HS6ST3: variants seen among roughly 807,000 people sequenced by gnomAD.
HS6ST3 encodes heparan-sulfate 6-O-sulfotransferase 3.
In HS6ST3, 12 loss-of-function variants were observed where a neutral mutation model predicts 36.7. That is an observed-to-expected ratio of 0.33 (90% CI 0.21 to 0.53). HS6ST3 has a LOEUF of 0.53. HS6ST3 is among the 20% of genes least tolerant of loss of function. The probability of loss-of-function intolerance (pLI) is 0.95; values close to 1 mark genes in which losing one functional copy is unlikely to be tolerated. For synonymous variants in HS6ST3, 240 were observed against 257.5 expected, an observed-to-expected ratio of 0.93 and a Z score of 0.65; for missense variants, 584 against 640.9, an observed-to-expected ratio of 0.91 and a Z score of 0.96.
At chr13:96,659,695 T>C (rs914487011) in intron 1 of HS6ST3, among the ~76,000 whole-genome samples, 2 of 152,134 alleles carry the variant, frequency 1.3e-5, no homozygotes, top group African/African-American at 4.8e-5. Flanking sequence ...GGGGCAATGT[T>C]CATTTTTTTG....
intron 1 of HS6ST3, among the ~76,000 whole-genome samples, chr13:96,662,515 G>GGTGT (rs144795600): frequency 1.4e-4 from 21 of 147,780 alleles, no homozygotes; most frequent in African/African-American, 5.0e-4. Flanking sequence ...GTGTGTATGG[G>GGTGT]GTGTGTGTGT....
rs188227533 is a variant in HS6ST3 at position 96,817,295 on chromosome 13, G to A, written c.708-15195G>A. Among the ~76,000 whole-genome samples the A allele has an allele frequency of 1.1e-3, 167 of 152,294 alleles. 2 individuals are homozygous for A. Among genetic ancestry groups the A allele is most frequent in the East Asian group, 1.2e-3 (6 of 5,178 alleles). On this transcript the variant is annotated intron_variant, in intron 1 of 1. Coordinates refer to ENST00000376705, the MANE Select transcript of HS6ST3 (RefSeq NM_153456.4). The stretch of plus-strand genomic sequence containing the variant: ...TTTAACCTTTGGTGAAATTTGCAGT[G>A]TTGGGATTTTTTATGCTAGAGTGGA...
intron 1 of HS6ST3, among the ~76,000 whole-genome samples, chr13:96,632,400 A>G (rs2056535178): frequency 1.3e-5 from 2 of 152,118 alleles, no homozygotes; most frequent in Non-Finnish European, 2.9e-5. Context: ...TGACTAACAC[A>G]GGACCTAATG....
intron 1 of HS6ST3, among the ~76,000 whole-genome samples, chr13:96,754,343 A>G (rs1429359567): frequency 6.6e-6 from 1 of 152,190 alleles, no homozygotes; most frequent in Non-Finnish European, 1.5e-5. Context: ...TAATTATGGC[A>G]TAAACTAGGT....
intron 1 of HS6ST3, among the ~76,000 whole-genome samples, chr13:96,115,981 C>T (rs1165099083): frequency 1.3e-5 from 2 of 152,136 alleles, no homozygotes; most frequent in Non-Finnish European, 2.9e-5. Context: ...TTTTGATTTG[C>T]ATTCCTCTAA....
intron 1 of HS6ST3, among the ~76,000 whole-genome samples, chr13:96,691,386 G>A (rs1874952195): frequency 6.6e-6 from 1 of 152,016 alleles, no homozygotes; most frequent in South Asian, 2.1e-4. Context: ...GAACCCTATT[G>A]TCTTTTTTCT....
chr13:96,774,019 G>C (rs1168116127), intron 1 of HS6ST3, among the ~76,000 whole-genome samples: 1 of 152,174 alleles, frequency 6.6e-6, no homozygotes, highest in African/African-American at 2.4e-5. Flanking sequence ...GCTTCCTCTG[G>C]TGATACCCAG....
intron 1 of HS6ST3, among the ~76,000 whole-genome samples, chr13:96,493,629 G>A (rs1295976879): frequency 6.6e-6 from 1 of 152,078 alleles, no homozygotes; most frequent in Non-Finnish European, 1.5e-5. Flanking sequence ...TTGATCTCTC[G>A]ATGTATGAAC....
intron 1 of HS6ST3, among the ~76,000 whole-genome samples, chr13:96,792,304 C>A (rs529378266): frequency 6.6e-6 from 1 of 151,954 alleles, no homozygotes; most frequent in East Asian, 1.9e-4. Context: ...TTGGAAATGA[C>A]GGTTCTGATG....
chr13:96,687,707 T>C (rs373015619), intron 1 of HS6ST3, among the ~76,000 whole-genome samples: 3 of 151,820 alleles, frequency 2.0e-5, no homozygotes, highest in East Asian at 3.9e-4. Flanking sequence ...GTTGGTGGCA[T>C]TGGGAATATA....
intron 1 of HS6ST3, among the ~76,000 whole-genome samples, chr13:96,343,828 C>T (rs1052937901): frequency 3.9e-4 from 60 of 152,234 alleles, no homozygotes; most frequent in African/African-American, 1.3e-3. Flanking sequence ...CTGCAACCTC[C>T]GCCTCCTGGG....
intron 1 of HS6ST3, among the ~76,000 whole-genome samples, chr13:96,308,859 T>C (rs936599071): frequency 4.6e-5 from 7 of 152,044 alleles, no homozygotes; most frequent in African/African-American, 1.4e-4. Flanking sequence ...AATGGGAAAA[T>C]TGCATACACA....
intron 1 of HS6ST3, among the ~76,000 whole-genome samples, chr13:96,241,786 C>CT (rs1235986148): frequency 0.1 from 13,642 of 131,382 alleles, 925 homozygotes; most frequent in East Asian, 0.18. Context: ...TTTTTTCTTT[C>CT]TTTTTTTTTT....
intron 1 of HS6ST3, among the ~76,000 whole-genome samples, chr13:96,597,979 T>C (rs1702042519): frequency 6.6e-6 from 1 of 152,130 alleles, no homozygotes; most frequent in Admixed American, 6.6e-5. Flanking sequence ...GATTAGTTTA[T>C]TGTACATATT....
chr13:96,801,252 ATT>A, intron 1 of HS6ST3, among the ~76,000 whole-genome samples: 1 of 152,268 alleles, frequency 6.6e-6, no homozygotes, highest in East Asian at 1.9e-4. Context: ...GATGCAAAAC[ATT>A]GAGTTCCTTT....
At chr13:96,304,606 A>G (rs1237674214) in intron 1 of HS6ST3, among the ~76,000 whole-genome samples, 2 of 151,894 alleles carry the variant, frequency 1.3e-5, no homozygotes, top group Non-Finnish European at 2.9e-5. Context: ...TTGCCTGAGG[A>G]AGAAGAAAGA....
intron 1 of HS6ST3, among the ~76,000 whole-genome samples, chr13:96,468,905 C>T (rs1392870805): frequency 6.6e-6 from 1 of 152,144 alleles, no homozygotes; most frequent in Non-Finnish European, 1.5e-5. Flanking sequence ...TATTGATCTC[C>T]TTTAAGGAAG....
chr13:96,802,111 C>T (rs765807755), intron 1 of HS6ST3, among the ~76,000 whole-genome samples: 1 of 152,108 alleles, frequency 6.6e-6, no homozygotes, highest in Non-Finnish European at 1.5e-5. Flanking sequence ...GGAAAACTCA[C>T]AGAAACCCCC....
chr13:96,748,767 A>C (rs915365177), intron 1 of HS6ST3, among the ~76,000 whole-genome samples: 1 of 151,958 alleles, frequency 6.6e-6, no homozygotes, highest in African/African-American at 2.4e-5. Flanking sequence ...AGACCCTCAA[A>C]AATGTTTGTG....
Sources: gnomAD v4.1 joint callset for allele counts (sites outside exome capture counted in the v4.1 genomes callset) on GRCh38, gnomAD v4.1.1 for gene constraint, MANE v1.5 for transcripts, NCBI Gene and HGNC (gene_info 2026-07-23, HGNC 2026-07-21) for gene names.